The following FGD4 variants were observed in gnomAD, a reference collection of about 807,000 sequenced individuals.
FGD4 encodes the protein FYVE, RhoGEF and PH domain containing 4.
FGD4 carries 42 observed loss-of-function variants against 102.0 expected under a neutral mutation model. The ratio of observed to expected loss-of-function variants is 0.41; its 90% CI spans 0.32 to 0.53. The LOEUF is 0.53. Ranked by LOEUF, FGD4 falls within the 20% of genes least tolerant of loss-of-function variation. The pLI is 0.21. For synonymous variants in FGD4, 380 were observed against 375.7 expected (o/e 1.01, Z -0.13); for missense variants, 902 against 1,078.2 (o/e 0.84, Z 2.29).
chr12:32,512,892 G>A (rs1939530365), intron 1 of FGD4, among the ~76,000 whole-genome samples: 1 of 152,126 alleles, frequency 6.6e-6, no homozygotes, highest in Admixed American at 6.5e-5. Context: ...GGAAGGGCAT[G>A]GTATCTGCAT....
chr12:32,541,945 C>T (rs551666591), intron 1 of FGD4, among the ~76,000 whole-genome samples: 2 of 145,980 alleles, frequency 1.4e-5, no homozygotes, highest in South Asian at 4.2e-4. Flanking sequence ...GTAATCCACC[C>T]TGCTTTTTTC....
intron 1 of FGD4, among the ~76,000 whole-genome samples, chr12:32,412,914 T>TC (rs2136399636): frequency 7.1e-6 from 1 of 141,418 alleles, no homozygotes; most frequent in East Asian, 2.0e-4. Flanking sequence ...TTTTTTTTTT[T>TC]TTTTTTTTTT....
At position 32,422,288 on chromosome 12, in the gene FGD4, C is replaced by CTTTTTTTTT. The variant is rs770560590; in HGVS notation, c.166+22349_166+22357dup. Reference sequence around the variant, plus strand: ...TTGAAGCATCTCAAATTGGGAGCTGCTTTTTTTTTTTTTTTTTTTTTTTTT... The same window carrying CTTTTTTTTT: ...TTGAAGCATCTCAAATTGGGAGCTGCTTTTTTTTTTTTTTTTTTTTTTTTTTTTTTTTTT... On this transcript the variant is annotated intron_variant, in intron 1 of 16. Coordinates refer to ENST00000534526, the MANE Select transcript of FGD4 (RefSeq NM_001370298.3). 1.6e-3 allele frequency among the ~76,000 whole-genome samples: 86 copies of CTTTTTTTTT among 54,168 alleles called. 12 individuals carry two copies. Among genetic ancestry groups the CTTTTTTTTT allele is most frequent in the Non-Finnish European group, 2.1e-3 (63 of 30,240 alleles). The allele number at this position is 54,168 out of a possible 152,430, so 35.5% of individuals were successfully genotyped here. A position where few individuals can be genotyped will look rare whatever the true frequency, so the allele number is the denominator to read the frequency against.
chr12:32,543,599 C>T (rs531292659), intron 1 of FGD4, among the ~76,000 whole-genome samples: 74 of 152,278 alleles, frequency 4.9e-4, no homozygotes, highest in African/African-American at 1.7e-3. Context: ...ACAAAAGATG[C>T]TCCTATTATC....
chr12:32,630,532 T>C (rs1950437414), intron 14 of FGD4, among the ~76,000 whole-genome samples: 1 of 151,756 alleles, frequency 6.6e-6, no homozygotes, highest in South Asian at 2.1e-4. Context: ...ATATAAAAAT[T>C]GGCTGGGTGC....
chr12:32,545,511 T>C (rs1370721400), intron 1 of FGD4, among the ~76,000 whole-genome samples: 1 of 152,226 alleles, frequency 6.6e-6, no homozygotes, highest in East Asian at 1.9e-4. Context: ...TTGCAACTAC[T>C]CAACTCTACT....
At chr12:32,538,959 C>T (rs1942557726) in intron 1 of FGD4, among the ~76,000 whole-genome samples, 1 of 152,076 alleles carries the variant, frequency 6.6e-6, no homozygotes, top group Non-Finnish European at 1.5e-5. Context: ...TAGGTTGAGG[C>T]AGGAGAATTG....
chr12:32,492,677 G>T (rs1280602518), intron 1 of FGD4, among the ~76,000 whole-genome samples: 1 of 152,162 alleles, frequency 6.6e-6, no homozygotes, highest in Non-Finnish European at 1.5e-5. Flanking sequence ...TTCATGTGTA[G>T]AGGTATATGA....
At chr12:32,487,518 C>T (rs1310573759) in intron 1 of FGD4, among the ~76,000 whole-genome samples, 3 of 151,580 alleles carry the variant, frequency 2.0e-5, no homozygotes, top group Admixed American at 2.0e-4. Context: ...ACTGCAACCT[C>T]TGCCTCCTGG....
chr12:32,598,648 A>G (rs1948101126), intron 5 of FGD4, 62 bp downstream of exon 5: 10 of 1,370,822 alleles, frequency 7.3e-6, no homozygotes, highest in African/African-American at 1.4e-5. Context: ...TTAACCTAGT[A>G]ATTAGAGTAT....
intron 2 of FGD4, among the ~76,000 whole-genome samples, chr12:32,572,089 TACAC>T (rs533482722): frequency 6.6e-6 from 1 of 151,888 alleles, no homozygotes; most frequent in Admixed American, 6.6e-5. Context: ...TATGTATGTT[TACAC>T]ACACACATAC....
intron 1 of FGD4, among the ~76,000 whole-genome samples, chr12:32,475,364 C>G (rs1943558320): frequency 6.6e-6 from 1 of 152,158 alleles, no homozygotes; most frequent in Admixed American, 6.5e-5. Flanking sequence ...GTAAAAAATA[C>G]TCCCACAAAT....
chr12:32,502,925 A>G (rs1047663570), intron 1 of FGD4, among the ~76,000 whole-genome samples: 1 of 152,216 alleles, frequency 6.6e-6, no homozygotes, highest in African/African-American at 2.4e-5. Flanking sequence ...GGGCAAGACA[A>G]GGAAGATCAG....
chr12:32,424,835 T>C (rs1941775872), intron 1 of FGD4, among the ~76,000 whole-genome samples: 1 of 152,246 alleles, frequency 6.6e-6, no homozygotes, highest in South Asian at 2.1e-4. Context: ...TGATGAGCTT[T>C]TTTTCATATG....
intron 1 of FGD4, among the ~76,000 whole-genome samples, chr12:32,457,243 A>AT (rs1942973391): frequency 1.4e-5 from 2 of 141,468 alleles, no homozygotes; most frequent in South Asian, 2.2e-4. Flanking sequence ...CATTGTTTAT[A>AT]ATTTTTTTTT....
At chr12:32,602,677 CTAATCA>C (rs1948498916) in intron 7 of FGD4, among the ~76,000 whole-genome samples, 1 of 152,164 alleles carries the variant, frequency 6.6e-6, no homozygotes, top group Admixed American at 6.5e-5. Flanking sequence ...ATTTGGGAAA[CTAATCA>C]TTCTTTTTTT....
At chr12:32,491,886 G>T (rs546945186) in intron 1 of FGD4, among the ~76,000 whole-genome samples, 8 of 152,204 alleles carry the variant, frequency 5.3e-5, no homozygotes, top group African/African-American at 1.7e-4. Flanking sequence ...CTTTTCCCTG[G>T]CATTATAGTT....
rs575390975 is a variant in FGD4, at chr12:32,626,726, A to G, written c.2172+947A>G. 7.2e-5 allele frequency among the ~76,000 whole-genome samples: 11 copies of G among 152,322 alleles called. No individual in the cohort carries two copies. In the East Asian group the frequency reaches 1.7e-3, roughly 24 times the overall value. On this transcript the variant is annotated intron_variant, in intron 14 of 16. Transcript: ENST00000534526. ...TGATGGGGAGAGGAAAGCTTCCTCC[A>G]TTATATCAGAGAGGAAGAAGAAAAA...
chr12:32,584,467 A>G (rs1021508743), intron 4 of FGD4, among the ~76,000 whole-genome samples: 2 of 152,206 alleles, frequency 1.3e-5, no homozygotes, highest in South Asian at 2.1e-4. Context: ...AGAAATCTCA[A>G]TTCTACTTCT....
Sources: allele counts gnomAD v4.1 joint callset (sites outside exome capture counted in the v4.1 genomes callset), GRCh38; gene constraint gnomAD v4.1.1; transcripts MANE v1.5; gene names NCBI Gene and HGNC (gene_info 2026-07-23, HGNC 2026-07-21).